The following CYP4A22 variants were observed in gnomAD, a reference collection of about 807,000 sequenced individuals.
CYP4A22 encodes cytochrome P450 family 4 subfamily A member 22, also known as cytochrome P450 4A22.
In CYP4A22, 46 loss-of-function variants were observed where a neutral mutation model predicts 56.2. The observed-to-expected ratio is 0.82, with a 90% CI of 0.65 to 1.05. The LOEUF is 1.05. CYP4A22 is among the 50% of genes least tolerant of loss of function. CYP4A22 has a pLI of 0.00. For synonymous variants in CYP4A22, 193 were observed against 251.1 expected (o/e 0.77, Z 2.19); for missense variants, 541 against 645.9 (o/e 0.84, Z 1.76).
intron 1 of CYP4A22, among the ~76,000 whole-genome samples, chr1:47,139,439 C>A (rs1231592573): frequency 2.6e-5 from 4 of 152,200 alleles, no homozygotes; most frequent in Non-Finnish European, 5.9e-5. Context: ...ATGTTCAGTT[C>A]TGAGTTAGGT....
intron 2 of CYP4A22, among the ~76,000 whole-genome samples, chr1:47,141,284 A>G (rs1024200580): frequency 1.3e-5 from 2 of 152,188 alleles, no homozygotes; most frequent in East Asian, 3.9e-4. Flanking sequence ...GAAAACATCA[A>G]TGTAGAAAAA....
At chr1:47,147,844 C>G (rs1402748882) in intron 11 of CYP4A22, among the ~76,000 whole-genome samples, 2 of 152,176 alleles carry the variant, frequency 1.3e-5, no homozygotes, top group Non-Finnish European at 2.9e-5. Flanking sequence ...GATGCTGTCC[C>G]ACCTGTGATG....
chr1:47,146,125 G>C lies in CYP4A22; in HGVS notation c.1336G>C (p.Ala446Pro). Reference sequence around the variant, plus strand: ...ACCGGGTTCTGCTCAACACAGCCACGCTTTCCTGCCCTTCTCAGGAGGATC... The same window carrying C: ...ACCGGGTTCTGCTCAACACAGCCACCCTTTCCTGCCCTTCTCAGGAGGATC... ...FAPGSAQHSHAFLPFSGGSRN... is the reference protein window; with the variant it reads ...FAPGSAQHSHPFLPFSGGSRN... Residue 446 changes from alanine to proline, a missense_variant, in exon 11 of 12, where the codon GCT becomes CCT. Ala to Pro is a conservative substitution (Grantham distance 27). Around this residue, in one of 3 missense-constraint regions of CYP4A22, gnomAD observed 204 missense variants for 258.9 expected, o/e 0.79. Coordinates refer to ENST00000371891, the MANE Select transcript of CYP4A22 (RefSeq NM_001010969.4). The C allele has an allele frequency of 5.6e-6, 9 of 1,614,136 alleles. No homozygotes were observed. The highest frequency in any genetic ancestry group is 7.6e-6 in the Non-Finnish European group (9 of 1,180,028).
chr1:47,140,878 G>T lies in CYP4A22; in HGVS notation c.294G>T (p.Gln98His). ...TATGGGGAGGCAAAGTTCGTGTCCA[G>T]CTCTATGACCCTGACTATATGAAGG... ...YWIWGGKVRV[Q>H]LYDPDYMKVI... The change falls in exon 2 of 12, where the codon CAG becomes CAT. Residue 98 changes from glutamine (Q) to histidine (H), a missense_variant. Coordinates refer to ENST00000371891, the MANE Select transcript of CYP4A22 (RefSeq NM_001010969.4). The T allele has an allele frequency of 4.3e-6, 7 of 1,614,138 alleles. No homozygotes were observed. The highest frequency in any genetic ancestry group is 5.9e-6 in the Non-Finnish European group (7 of 1,180,018).
At position 47,138,451 on chromosome 1, in the gene CYP4A22, T is replaced by A. The variant is rs181570255; in HGVS notation, c.195+771T>A. 6.1e-4 allele frequency among the ~76,000 whole-genome samples: 93 copies of A among 152,236 alleles called. 1 individual carries two copies. The highest frequency in any genetic ancestry group is 2.2e-3 in the African/African-American group (90 of 41,554). ...GAGCTCCCTGGAGGTGAGCATGTCA[T>A]CCCCTTCCTGTGCCCCGGCAATCAG... On this transcript the variant is annotated intron_variant, in intron 1 of 11. Transcript: ENST00000371891.
At chr1:47,140,157 G>C (rs1202675070) in intron 1 of CYP4A22, among the ~76,000 whole-genome samples, 1 of 152,134 alleles carries the variant, frequency 6.6e-6, no homozygotes, top group Non-Finnish European at 1.5e-5. Flanking sequence ...GTGAAAATGA[G>C]AATAAGAAAC....
At chr1:47,140,677 C>G (rs1411883019) in intron 1 of CYP4A22, 103 bp from the exon 2 acceptor site, 1 of 1,529,092 alleles carries the variant, frequency 6.5e-7, no homozygotes, top group East Asian at 2.3e-5. Context: ...AGATCTAAAT[C>G]CCTAACCCGT....
chr1:47,137,702 G>T (rs200848170), intron 1 of CYP4A22, 22 bp downstream of exon 1: 6 of 1,593,782 alleles, frequency 3.8e-6, no homozygotes, highest in East Asian at 2.2e-5. Context: ...CTCAGTGGGG[G>T]AGTGGGAGGG....
intron 9 of CYP4A22, 66 bp downstream of exon 9, chr1:47,145,036 T>C (rs1008329749): frequency 2.5e-6 from 4 of 1,596,242 alleles, no homozygotes; most frequent in Non-Finnish European, 3.4e-6. Context: ...GAGAAATCCA[T>C]GTGTGCTTCA....
chr1:47,137,653 C>A lies in CYP4A22; in HGVS notation c.168C>A (p.Ser56=), dbSNP rs138528169. The change falls in exon 1 of 12, where the codon TCC becomes TCA. Residue 56 remains serine, a synonymous_variant. Transcript: ENST00000371891. ...KALQQFPCPP[S]HWLFGHIQEF... ...TCCAGCAGTTCCCGTGCCCTCCCTC[C>A]CACTGGCTCTTCGGGCACATCCAGG... 2 of 1,613,266 alleles carry A rather than the reference C, an allele frequency of 1.2e-6. No homozygotes were observed. The highest frequency in any genetic ancestry group is 1.3e-5 in the African/African-American group (1 of 75,056).
intron 11 of CYP4A22, chr1:47,146,386 T>C (rs1234742002): frequency 1.0e-5 from 14 of 1,403,754 alleles, no homozygotes; most frequent in African/African-American, 1.4e-5. Context: ...ATGGGCAGCC[T>C]GAATTCACTG....
At chr1:47,141,840 C>T (rs1235191591) in intron 3 of CYP4A22, among the ~76,000 whole-genome samples, 1 of 152,214 alleles carries the variant, frequency 6.6e-6, no homozygotes, top group Non-Finnish European at 1.5e-5. Flanking sequence ...TCCAGACATC[C>T]TTGGCTTCAC....
chr1:47,137,603 C>A lies in CYP4A22; in HGVS notation c.118C>A (p.His40Asn), dbSNP rs1297201537. 1 of 1,614,200 alleles carries A rather than the reference C, an allele frequency of 6.2e-7. No homozygotes were observed. Among genetic ancestry groups the A allele is most frequent in the Non-Finnish European group, 8.5e-7 (1 of 1,180,006 alleles). Residue 40 changes from histidine to asparagine, a missense_variant, in exon 1 of 12, where the codon CAT becomes AAT. Physicochemically the swap from His to Asn is moderately conservative, Grantham distance 68 (BLOSUM62 1). Transcript: ENST00000371891. ...LLIKAAQLYL[H>N]RQWLLKALQQ... Reference sequence around the variant, plus strand: ...GATCAAGGCAGCTCAGCTCTACCTGCATAGGCAGTGGCTGCTCAAAGCCCT... The same window carrying A: ...GATCAAGGCAGCTCAGCTCTACCTGAATAGGCAGTGGCTGCTCAAAGCCCT...
chr1:47,138,947 C>A (rs768983423), intron 1 of CYP4A22, among the ~76,000 whole-genome samples: 4 of 152,184 alleles, frequency 2.6e-5, no homozygotes, highest in Non-Finnish European at 4.4e-5. Flanking sequence ...GGAGCTGAGG[C>A]CTATTGTTTC....
intron 11 of CYP4A22, chr1:47,146,788 A>G (rs1391326699): frequency 1.0e-6 from 1 of 986,720 alleles, no homozygotes; most frequent in Non-Finnish European, 1.2e-6. Flanking sequence ...TAGTGTTCAC[A>G]TATTTACATC....
intron 5 of CYP4A22, 70 bp downstream of exon 5, chr1:47,143,463 G>A: frequency 6.6e-7 from 1 of 1,510,914 alleles, no homozygotes; most frequent in Admixed American, 2.2e-5. Flanking sequence ...TGAGGGGCAG[G>A]TGGGGCAGCG....
chr1:47,138,514 A>G (rs1451449026), intron 1 of CYP4A22, among the ~76,000 whole-genome samples: 11 of 152,308 alleles, frequency 7.2e-5, no homozygotes, highest in Non-Finnish European at 1.6e-4. Context: ...GCTCAGGTGA[A>G]TAGAGCAAGC....
chr1:47,141,716 C>A (rs377169533), intron 3 of CYP4A22, 101 bp downstream of exon 3: 17 of 1,439,040 alleles, frequency 1.2e-5, no homozygotes, highest in Non-Finnish European at 1.5e-5. Flanking sequence ...ACTATCATGA[C>A]CTCATCCCCA....
chr1:47,141,547 A>G, intron 2 of CYP4A22, 24 bp from the exon 3 acceptor site: 1 of 1,612,828 alleles, frequency 6.2e-7, no homozygotes, highest in Non-Finnish European at 8.5e-7. Context: ...CTAGTTTCCT[A>G]TAAAGCCCTT....
Sources: gnomAD v4.1 joint callset for allele counts (sites outside exome capture counted in the v4.1 genomes callset) on GRCh38, gnomAD v4.1.1 for gene constraint, gnomAD v4.1.1 regional missense constraint, MANE v1.5 for transcripts, NCBI Gene and HGNC (gene_info 2026-07-23, HGNC 2026-07-21) for gene names.